DLAT: variants seen among roughly 807,000 people sequenced by gnomAD.
The protein encoded by DLAT is dihydrolipoamide S-acetyltransferase.
DLAT carries 43 observed loss-of-function variants against 68.0 expected under a neutral mutation model. The observed-to-expected ratio is 0.63, with a 90% CI of 0.50 to 0.81. The LOEUF (loss-of-function observed/expected upper bound fraction) is 0.81. DLAT is among the 40% of genes least tolerant of loss of function. The pLI, the probability that DLAT is intolerant of heterozygous loss-of-function variation, is 0.00. For missense variants in DLAT, 745 were observed against 815.4 expected (o/e 0.91, Z 1.05); for synonymous variants, 265 against 288.6 (o/e 0.92, Z 0.83).
intron 11 of DLAT, among the ~76,000 whole-genome samples, chr11:112,056,722 T>C (rs1178755839): frequency 1.3e-5 from 2 of 152,208 alleles, no homozygotes; most frequent in Admixed American, 6.5e-5. Context: ...AGGGTAAAAT[T>C]ATGTTTAATT....
At position 112,063,540 on chromosome 11, in the gene DLAT, G is replaced by A. The variant is rs1295207426; in HGVS notation, c.*1005G>A. The A allele has an allele frequency of 6.6e-6, 1 of 152,492 alleles. No individual in the cohort carries two copies. The highest frequency in any genetic ancestry group is 1.5e-5 in the Non-Finnish European group (1 of 67,980). The allele number at this position is 152,492 out of a possible 1,614,324, so 9.4% of individuals were successfully genotyped here. ...GGAGGGGTACATTGGTAAACATTTT[G>A]GAGTGCTTAAAAATGCCAAAAACAA... On this transcript the variant is annotated 3_prime_UTR_variant, in exon 14 of 14. Transcript: ENST00000280346.
In DLAT at chr11:112,062,364, A is replaced by G. The variant is rs10891315; in HGVS notation, c.1815-42A>G. On this transcript the variant is annotated intron_variant, in intron 13 of 13. Coordinates refer to ENST00000280346, the MANE Select transcript of DLAT (RefSeq NM_001931.5). The stretch of plus-strand genomic sequence containing the variant: ...GGGTGGTTACTGGCTGAAATGCAGT[A>G]TTTTCTTTCAGAATATCTAAAATGT... The G allele has an allele frequency of 0.36, 586,145 of 1,607,900 alleles. 110,558 individuals carry two copies. The highest frequency in any genetic ancestry group is 0.57 in the East Asian group (25,469 of 44,782).
chr11:112,064,106 C>A lies in DLAT; in HGVS notation c.*1571C>A. 7.5e-7 allele frequency: 1 copy of A among 1,331,154 alleles called. No individual in the cohort carries two copies. Among genetic ancestry groups the A allele is most frequent in the East Asian group, 2.6e-5 (1 of 38,304 alleles). The allele number at this position is 1,331,154 out of a possible 1,614,324, so 82.5% of individuals were successfully genotyped here. ...TAGTAATTTTAGGTTGAAGATTATC[C>A]AAAAGAAACAAGCTTATCACAAGGG... On this transcript the variant is annotated 3_prime_UTR_variant, in exon 14 of 14. Coordinates refer to ENST00000280346, the MANE Select transcript of DLAT (RefSeq NM_001931.5).
intron 7 of DLAT, among the ~76,000 whole-genome samples, chr11:112,041,129 G>A (rs1350860043): frequency 2.0e-5 from 3 of 152,266 alleles, no homozygotes; most frequent in East Asian, 3.9e-4. Flanking sequence ...TGTGAGCTCT[G>A]TAGCTGGAAT....
chr11:112,060,990 G>A, intron 12 of DLAT, 48 bp from the exon 13 acceptor site: 1 of 1,505,392 alleles, frequency 6.6e-7, no homozygotes, highest in Non-Finnish European at 9.0e-7. Flanking sequence ...CAAGTTTTCT[G>A]ATTTATGTTG....
intron 4 of DLAT, chr11:112,030,220 C>A: frequency 1.7e-6 from 1 of 584,834 alleles, no homozygotes; most frequent in South Asian, 1.4e-5. Context: ...TTTCTGAATT[C>A]TCTAGTGCAG....
At chr11:112,033,558 G>C in intron 5 of DLAT, 28 bp downstream of exon 5, 1 of 1,612,276 alleles carries the variant, frequency 6.2e-7, no homozygotes, top group South Asian at 1.1e-5. Context: ...CTTAATGGTT[G>C]AGGCACTGAG....
rs782615675 is a variant in DLAT at position 112,051,235 on chromosome 11, T to A, written c.1400T>A (p.Ile467Lys). ...VLLVRKELNK[I>K]LEGRSKISVN... ...CTACAGTTCTTCTTGTCTTTCCAGA[T>A]ATTAGAAGGGAGAAGCAAAATTTCT... Residue 467 changes from isoleucine (I) to lysine (K), a missense_variant and splice_region_variant, in exon 11 of 14, where the codon ATA becomes AAA. Transcript: ENST00000280346. The surrounding 1 kb of genome is among the most constrained non-coding windows in gnomAD (Gnocchi z 4.3). 1 of 1,596,788 alleles carries A rather than the reference T, an allele frequency of 6.3e-7. No individual in the cohort carries two copies. The highest frequency in any genetic ancestry group is 8.6e-7 in the Non-Finnish European group (1 of 1,166,918).
At chr11:112,045,371 A>G (rs1863255993) in intron 9 of DLAT, 141 bp downstream of exon 9, 2 of 753,742 alleles carry the variant, frequency 2.7e-6, no homozygotes, top group East Asian at 5.3e-5. Context: ...GTTTTGGCCA[A>G]CTGAATACTT....
chr11:112,025,667 T>C lies in DLAT; in HGVS notation c.195T>C (p.Ser65=), dbSNP rs1555179146. The change falls in exon 1 of 14, where the codon TCT becomes TCC. Residue 65 remains serine, a synonymous_variant. Transcript: ENST00000280346. ...CACTGTGCGGCTGGACCCCCAGTTC[T>C]GGGGCCACGCCGCGGAACCGCTTAC... The part of the protein sequence containing the change: ...VRALCGWTPS[S]GATPRNRLLL... The C allele has an allele frequency of 4.3e-6, 7 of 1,613,090 alleles. No individual in the cohort carries two copies. In the South Asian group the frequency reaches 7.7e-5, roughly 18 times the overall value.
chr11:112,033,339 T>G, intron 4 of DLAT, 65 bp from the exon 5 acceptor site: 8 of 1,585,238 alleles, frequency 5.0e-6, no homozygotes, highest in Non-Finnish European at 6.9e-6. Context: ...CACATAAGTC[T>G]GCCAGACTTT....
At chr11:112,058,953 A>T (rs1312486161) in intron 11 of DLAT, among the ~76,000 whole-genome samples, 1 of 151,946 alleles carries the variant, frequency 6.6e-6, no homozygotes, top group Non-Finnish European at 1.5e-5. Flanking sequence ...GAGTATTTTC[A>T]GTGTTAAAAA....
chr11:112,032,528 G>T lies in DLAT; in HGVS notation c.661-876G>T, dbSNP rs1178267182. ...ATATGGAATGCTTCACGAATTTGTTGTCCTTGCGCAGGGGCCATGCTAATC... is the reference window on the plus strand; with the variant it reads ...ATATGGAATGCTTCACGAATTTGTTTTCCTTGCGCAGGGGCCATGCTAATC... On this transcript the variant is annotated intron_variant, in intron 4 of 13. Coordinates refer to ENST00000280346, the MANE Select transcript of DLAT (RefSeq NM_001931.5). 6 of 151,316 alleles carry T rather than the reference G, an allele frequency of 4.0e-5. 1 individual carries two copies. Among genetic ancestry groups the T allele is most frequent in the Admixed American group, 3.3e-4 (5 of 15,180 alleles). 9.4% of individuals were successfully genotyped at this position (151,316 alleles called of 1,614,324 possible).
At chr11:112,061,959 C>T (rs184804367) in intron 13 of DLAT, among the ~76,000 whole-genome samples, 49 of 152,084 alleles carry the variant, frequency 3.2e-4, no homozygotes, top group Admixed American at 2.0e-3. Context: ...ATAAAAAATA[C>T]GAAATTCTTC....
intron 8 of DLAT, among the ~76,000 whole-genome samples, chr11:112,044,605 A>C (rs977138056): frequency 6.6e-6 from 1 of 152,214 alleles, no homozygotes; most frequent in Non-Finnish European, 1.5e-5. Flanking sequence ...CAAACTGGTC[A>C]TTGAACATAC....
chr11:112,033,380 A>G (rs1432714348), intron 4 of DLAT, 24 bp from the exon 5 acceptor site: 5 of 1,611,650 alleles, frequency 3.1e-6, no homozygotes, highest in Non-Finnish European at 4.2e-6. Context: ...GGTATTAAGC[A>G]ATAATATGTG....
At chr11:112,028,445 ATTCTAG>A in intron 2 of DLAT, 64 bp from the exon 3 acceptor site, 1 of 1,302,478 alleles carries the variant, frequency 7.7e-7, no homozygotes, top group Non-Finnish European at 1.1e-6. Context: ...AAAAAAAAAA[ATTCTAG>A]ACACAAGCTA....
At position 112,051,453 on chromosome 11, in the gene DLAT, A is replaced by G. The variant is rs1555182000; in HGVS notation, c.1514+104A>G. ...AAGGAGAAATGGAATACAGAGAGGC[A>G]GATGACTTACATAGGTCAAACAACT... On this transcript the variant is annotated intron_variant, in intron 11 of 13. Transcript: ENST00000280346. The surrounding 1 kb of genome is among the most constrained non-coding windows in gnomAD (Gnocchi z 4.3). 1.2e-6 allele frequency: 1 copy of G among 837,288 alleles called. No individual in the cohort carries two copies. Among genetic ancestry groups the G allele is most frequent in the East Asian group, 2.5e-5 (1 of 39,248 alleles). The allele number at this position is 837,288 out of a possible 1,614,324, so 51.9% of individuals were successfully genotyped here. A position where few individuals can be genotyped will look rare whatever the true frequency, so the allele number is the denominator to read the frequency against.
intron 4 of DLAT, among the ~76,000 whole-genome samples, chr11:112,031,903 T>G (rs1459959055): frequency 3.1e-5 from 4 of 130,306 alleles, no homozygotes; most frequent in African/African-American, 8.7e-5. Context: ...TTTTTTTTTT[T>G]TTTTTTTTTT....
Sources: gnomAD v4.1 joint callset for allele counts (sites outside exome capture counted in the v4.1 genomes callset) on GRCh38, gnomAD v4.1.1 for gene constraint, Gnocchi (gnomAD v3.1) non-coding constraint, MANE v1.5 for transcripts, NCBI Gene and HGNC (gene_info 2026-07-23, HGNC 2026-07-21) for gene names.